The following MTA3 variants were observed in gnomAD, a reference collection of about 807,000 sequenced individuals.
MTA3 encodes the protein metastasis-associated protein MTA3.
In MTA3, 34 loss-of-function variants were observed where a neutral mutation model predicts 83.5. The observed-to-expected ratio is 0.41, with a 90% CI of 0.31 to 0.54. The LOEUF (loss-of-function observed/expected upper bound fraction) is 0.54. Among genes scored for constraint, MTA3 ranks in the 20% least tolerant of loss-of-function variants. The pLI is 0.33. For synonymous variants in MTA3, 303 were observed against 252.7 expected (o/e 1.20, Z -1.89); for missense variants, 761 against 726.4 (o/e 1.05, Z -0.55).
chr2:42,742,072 T>A (rs1034605718), intron 16 of MTA3, among the ~76,000 whole-genome samples: 3 of 152,174 alleles, frequency 2.0e-5, no homozygotes, highest in African/African-American at 7.2e-5. Flanking sequence ...TGTTTGCGAA[T>A]GCATAGAGCA....
At chr2:42,596,740 T>C (rs960294494) in intron 3 of MTA3, among the ~76,000 whole-genome samples, 1 of 152,232 alleles carries the variant, frequency 6.6e-6, no homozygotes, top group African/African-American at 2.4e-5. Flanking sequence ...GCTTTACTTC[T>C]GTCATTGTGT....
chr2:42,589,766 G>A (rs1680751121), intron 3 of MTA3, among the ~76,000 whole-genome samples: 1 of 152,182 alleles, frequency 6.6e-6, no homozygotes, highest in African/African-American at 2.4e-5. Context: ...TGCCCAGGCT[G>A]AAGTATGTAT....
intron 14 of MTA3, among the ~76,000 whole-genome samples, chr2:42,712,068 A>T (rs1440828935): frequency 3.3e-5 from 5 of 152,194 alleles, no homozygotes; most frequent in Admixed American, 2.6e-4. Flanking sequence ...TGGCCACGGC[A>T]GCACCATCAC....
intron 8 of MTA3, among the ~76,000 whole-genome samples, chr2:42,679,908 GA>G (rs1573594333): frequency 2.0e-5 from 3 of 151,478 alleles, no homozygotes; most frequent in Admixed American, 1.3e-4. Flanking sequence ...AGTATTTATA[GA>G]TGATTCTAAG....
intron 4 of MTA3, among the ~76,000 whole-genome samples, chr2:42,633,508 G>C (rs1200090463): frequency 6.6e-6 from 1 of 152,148 alleles, no homozygotes. Context: ...GAGCCTAGGA[G>C]GTGGAGGCTG....
At chr2:42,495,148 T>C (rs969380749) in intron 1 of MTA3, 5 of 152,654 alleles carry the variant, frequency 3.3e-5, no homozygotes, top group Admixed American at 6.5e-5. Flanking sequence ...CCCTCTACTT[T>C]TCGTAATTTT....
intron 3 of MTA3, among the ~76,000 whole-genome samples, chr2:42,579,903 C>T (rs1393818648): frequency 1.3e-5 from 2 of 151,888 alleles, no homozygotes; most frequent in Non-Finnish European, 2.9e-5. Flanking sequence ...TTCACTGTTT[C>T]GGAGGATGTT....
intron 4 of MTA3, among the ~76,000 whole-genome samples, chr2:42,630,924 G>T (rs1558522376): frequency 6.6e-6 from 1 of 152,070 alleles, no homozygotes; most frequent in Non-Finnish European, 1.5e-5. Flanking sequence ...AGTTTTTATG[G>T]ATATGTTTAT....
At chr2:42,547,594 G>C (rs1042786365) in intron 2 of MTA3, among the ~76,000 whole-genome samples, 1 of 152,236 alleles carries the variant, frequency 6.6e-6, no homozygotes, top group African/African-American at 2.4e-5. Context: ...GCCTCTCAAA[G>C]CGCTGGGATT....
chr2:42,595,006 G>C (rs1681610939), intron 3 of MTA3, among the ~76,000 whole-genome samples: 1 of 147,592 alleles, frequency 6.8e-6, no homozygotes, highest in African/African-American at 2.5e-5. Context: ...GCCTGCCTCG[G>C]CCTCCCAAAG....
chr2:42,614,987 A>C (rs1178189549), intron 4 of MTA3, among the ~76,000 whole-genome samples: 6 of 147,872 alleles, frequency 4.1e-5, no homozygotes, highest in Non-Finnish European at 8.9e-5. Flanking sequence ...AAAAAAAAAA[A>C]AAACAAAAAG....
At chr2:42,537,908 C>T (rs574006279) in intron 2 of MTA3, among the ~76,000 whole-genome samples, 2 of 152,176 alleles carry the variant, frequency 1.3e-5, no homozygotes, top group South Asian at 4.2e-4. Flanking sequence ...CTGTACCTGA[C>T]TTCCGGGTAG....
At chr2:42,530,358 G>A (rs1188717770) in intron 2 of MTA3, among the ~76,000 whole-genome samples, 1 of 152,056 alleles carries the variant, frequency 6.6e-6, no homozygotes, top group Non-Finnish European at 1.5e-5. Flanking sequence ...TTGGTGGCGG[G>A]CGCATGTAGT....
intron 16 of MTA3, among the ~76,000 whole-genome samples, chr2:42,740,361 A>G (rs1344327810): frequency 2.0e-5 from 3 of 152,152 alleles, no homozygotes; most frequent in Admixed American, 2.0e-4. Flanking sequence ...AAATACAAAA[A>G]CTTGCCAGTC....
chr2:42,710,152 T>G (rs969769458), intron 14 of MTA3, among the ~76,000 whole-genome samples: 1 of 152,184 alleles, frequency 6.6e-6, no homozygotes, highest in African/African-American at 2.4e-5. Flanking sequence ...ATAAAAGGAA[T>G]GATGACTGAA....
At chr2:42,616,572 CTTTTTTTTTT>C (rs70963338) in intron 4 of MTA3, among the ~76,000 whole-genome samples, 5 of 56,218 alleles carry the variant, frequency 8.9e-5, no homozygotes, top group Admixed American at 6.4e-4. Context: ...TCTTCTTCTT[CTTTTTTTTTT>C]TTTTTTTTTT....
chr2:42,519,727 C>G (rs909385881), intron 2 of MTA3, among the ~76,000 whole-genome samples: 1 of 152,020 alleles, frequency 6.6e-6, no homozygotes, highest in Non-Finnish European at 1.5e-5. Flanking sequence ...ATAACGATAC[C>G]TTCATCTGTA....
chr2:42,689,148 A>G (rs953771199), intron 9 of MTA3, among the ~76,000 whole-genome samples: 1 of 152,162 alleles, frequency 6.6e-6, no homozygotes, highest in African/African-American at 2.4e-5. Context: ...TTAATTTATG[A>G]TTGTTGAAAA....
At chr2:42,700,236 G>C (rs1036243357) in intron 11 of MTA3, among the ~76,000 whole-genome samples, 5 of 152,092 alleles carry the variant, frequency 3.3e-5, no homozygotes, top group Admixed American at 2.0e-4. Context: ...TGAGGAGAGT[G>C]AGGGAAGGTT....
Sources: allele counts gnomAD v4.1 joint callset (sites outside exome capture counted in the v4.1 genomes callset), GRCh38; gene constraint gnomAD v4.1.1; transcripts MANE v1.5; gene names NCBI Gene and HGNC (gene_info 2026-07-23, HGNC 2026-07-21).